The following LRRC73 variants were observed in gnomAD, a reference collection of about 807,000 sequenced individuals.
LRRC73 encodes the protein leucine-rich repeat-containing protein 73.
In LRRC73, 16 loss-of-function variants were observed where a neutral mutation model predicts 26.4. That is an observed-to-expected ratio of 0.61 (90% CI 0.41 to 0.92). The LOEUF is 0.92. LRRC73 is among the 40% of genes least tolerant of loss of function. LRRC73 has a pLI of 0.00. For synonymous variants in LRRC73, 210 were observed against 179.8 expected (o/e 1.17, Z -1.34); for missense variants, 344 against 416.3 (o/e 0.83, Z 1.51).
chr6:43,508,462 A>G, intron 2 of LRRC73, 42 bp from the exon 3 acceptor site: 4 of 1,611,898 alleles, frequency 2.5e-6, no homozygotes, highest in South Asian at 2.2e-5. Context: ...GGGAGGGTTA[A>G]GCCCTCCTCC....
At chr6:43,509,591 C>T in exon 1 of LRRC73, 1 of 1,608,532 alleles carries the variant, frequency 6.2e-7, no homozygotes, top group Non-Finnish European at 8.5e-7. Flanking sequence ...ACACGACGCC[C>T]AGGTTAAGGT....
chr6:43,508,955 C>T (rs1019633715), intron 1 of LRRC73, 35 bp from the exon 2 acceptor site: 9 of 1,529,872 alleles, frequency 5.9e-6, no homozygotes, highest in Non-Finnish European at 7.9e-6. Context: ...TTACTGCAGT[C>T]CTCCGCACTA....
chr6:43,508,972 T>C (rs1792585983), intron 1 of LRRC73, 52 bp from the exon 2 acceptor site: 13 of 1,460,250 alleles, frequency 8.9e-6, no homozygotes, highest in Non-Finnish European at 1.2e-5. Context: ...ACTATCTACA[T>C]GGGAAAGGGG....
exon 1 of LRRC73, chr6:43,509,695 G>T: frequency 6.3e-7 from 1 of 1,591,146 alleles, no homozygotes; most frequent in Non-Finnish European, 8.5e-7. Flanking sequence ...GAGAGCAGGC[G>T]CACGGCGTTG....
exon 3 of LRRC73, chr6:43,508,344 G>T: frequency 6.2e-7 from 1 of 1,613,638 alleles, no homozygotes; most frequent in South Asian, 1.1e-5. Context: ...GGGAGCTGTG[G>T]GCCACGGCAA....
exon 1 of LRRC73, chr6:43,510,311 G>GGGCGGCT (rs1452120715): frequency 1.3e-5 from 2 of 152,780 alleles, no homozygotes; most frequent in Non-Finnish European, 2.9e-5. Context: ...AGCCTGAGGC[G>GGGCGGCT]GGCGGCTGGC....
intron 2 of LRRC73, 68 bp from the exon 3 acceptor site, chr6:43,508,488 T>C: frequency 6.2e-7 from 1 of 1,603,678 alleles, no homozygotes; most frequent in Admixed American, 1.7e-5. Context: ...TTCCCCACAA[T>C]CCCTGTGTCT....
chr6:43,509,563 T>A lies in LRRC73; in HGVS notation c.223A>T (p.Lys75Ter). Residue 75 changes from lysine to a stop codon, truncating the protein, a stop_gained, in exon 1 of 6, where the codon AAG (lysine) becomes TAG (stop). Coordinates refer to ENST00000372441, the Ensembl canonical transcript of LRRC73. LOFTEE classifies it high-confidence loss of function. The stretch of plus-strand genomic sequence containing the variant: ...GTCCGCAGAGCCTCAGCCAGCTGCT[T>A]GATGCGGCTGGGGCTGGACACGACG... The A allele has an allele frequency of 6.2e-7, 1 of 1,610,068 alleles. No homozygotes were observed. The highest frequency in any genetic ancestry group is 8.5e-7 in the Non-Finnish European group (1 of 1,179,256).
chr6:43,509,002 C>G, intron 1 of LRRC73, 82 bp from the exon 2 acceptor site: 2 of 1,399,090 alleles, frequency 1.4e-6, no homozygotes, highest in South Asian at 1.6e-5. Flanking sequence ...TTCTGTCAGC[C>G]CTAGGTATGG....
exon 1 of LRRC73, chr6:43,509,779 G>C: frequency 1.3e-6 from 2 of 1,544,094 alleles, no homozygotes; most frequent in Non-Finnish European, 1.7e-6. Context: ...ATGGAGCTGG[G>C]CAGCATCGTG....
chr6:43,508,632 T>A (rs1792578793), intron 2 of LRRC73, 128 bp downstream of exon 2: 1 of 1,434,250 alleles, frequency 7.0e-7, no homozygotes, highest in African/African-American at 1.4e-5. Flanking sequence ...GTCCTGCCCC[T>A]TCCTGAGAGG....
intron 1 of LRRC73, 96 bp downstream of exon 1, chr6:43,509,418 G>A (rs1400179069): frequency 1.4e-6 from 2 of 1,396,908 alleles, no homozygotes; most frequent in Non-Finnish European, 1.9e-6. Context: ...GTGAAGGTAG[G>A]ATGGTACTGG....
exon 3 of LRRC73, chr6:43,508,372 C>A (rs1792570253): frequency 6.2e-7 from 1 of 1,613,660 alleles, no homozygotes; most frequent in Non-Finnish European, 8.5e-7. Flanking sequence ...GCGGCTCCAG[C>A]CCTTAGGGGT....
chr6:43,509,902 G>A (rs1792612112), exon 1 of LRRC73: 1 of 862,896 alleles, frequency 1.2e-6, no homozygotes, highest in East Asian at 3.4e-5. Flanking sequence ...GCGGAGTGGG[G>A]CCGGGGGTGG....
Position 43,508,817 on chromosome 6 carries a change from C to T in LRRC73, c.376G>A (p.Gly126Ser), listed in dbSNP as rs1204258878. The T allele has an allele frequency of 1.2e-6, 2 of 1,613,098 alleles. No individual in the cohort carries two copies. Among genetic ancestry groups the T allele is most frequent in the Admixed American group, 3.3e-5 (2 of 60,012 alleles). Residue 126 changes from glycine to serine, a missense_variant, in exon 2 of 6, where the codon GGT becomes AGT. By Grantham distance (56) the Gly-to-Ser change is moderately conservative. Transcript: ENST00000372441. ...CAGATGAGGTTGATGGCTTCATCAC[C>T]CAGCATGCAGTCCCCCAGGTCCAGA...
intron 4 of LRRC73, 39 bp downstream of exon 4, chr6:43,507,787 C>T (rs1235056659): frequency 6.2e-7 from 1 of 1,604,364 alleles, no homozygotes; most frequent in Non-Finnish European, 8.5e-7. Context: ...TAACCTCCAC[C>T]CCATCCCCTG....
In LRRC73 at chr6:43,509,894, G is replaced by C. The variant is rs932584467; in HGVS notation, c.-109C>G. Reference sequence around the variant, plus strand: ...CGGGGCCCCGGCAGGGGTCGCGGGCGGAGTGGGGCCGGGGGTGGAGGCGGC... The same window carrying C: ...CGGGGCCCCGGCAGGGGTCGCGGGCCGAGTGGGGCCGGGGGTGGAGGCGGC... On this transcript the variant is annotated 5_prime_UTR_variant, in exon 1 of 6. Coordinates refer to ENST00000372441, the Ensembl canonical transcript of LRRC73. The C allele has an allele frequency of 7.1e-6, 7 of 990,810 alleles. No homozygotes were observed. In the Admixed American group the frequency reaches 3.0e-4, roughly 43 times the overall value. The allele number at this position is 990,810 out of a possible 1,614,324, so 61.4% of individuals were successfully genotyped here.
intron 3 of LRRC73, 131 bp from the exon 4 acceptor site, chr6:43,508,057 G>A (rs538042423): frequency 2.0e-4 from 200 of 1,008,458 alleles, no homozygotes; most frequent in Middle Eastern, 1.7e-3. Flanking sequence ...GTGGTGGTCA[G>A]GAAGGGATCA....
chr6:43,509,832 G>A lies in LRRC73; in HGVS notation c.-47C>T, dbSNP rs565210369. 94 of 1,423,446 alleles carry A rather than the reference G, an allele frequency of 6.6e-5. 1 individual carries two copies. The African/African-American group carries it at 1.1e-3, about 17-fold the overall frequency. The allele number at this position is 1,423,446 out of a possible 1,614,324, so 88.2% of individuals were successfully genotyped here. On this transcript the variant is annotated 5_prime_UTR_variant, in exon 1 of 6. Transcript: ENST00000372441. The stretch of plus-strand genomic sequence containing the variant: ...GGGTACGGGGCCGGAACGGAGGTTG[G>A]TGGGGCCGCGGGCGGGGCCGGGGAT...
Sources: allele counts gnomAD v4.1 joint callset, GRCh38; gene constraint gnomAD v4.1.1; transcripts MANE v1.5; gene names NCBI Gene and HGNC (gene_info 2026-07-23, HGNC 2026-07-21).